Variants in PDE1C observed in about 807,000 individuals in gnomAD.
PDE1C encodes the protein phosphodiesterase 1C, also known as dual specificity calcium/calmodulin-dependent 3',5'-cyclic nucleotide phosphodiesterase 1C.
A neutral mutation model predicts 93.1 loss-of-function variants in PDE1C; 62 were observed. The ratio of observed to expected loss-of-function variants is 0.67; its 90% CI spans 0.54 to 0.82. PDE1C has a LOEUF of 0.82. PDE1C is among the 40% of genes least tolerant of loss of function. The pLI, the probability that PDE1C is intolerant of heterozygous loss-of-function variation, is 0.00. For synonymous variants in PDE1C, 325 were observed against 310.1 expected, an observed-to-expected ratio of 1.05 and a Z score of -0.50; for missense variants, 742 against 884.6, an observed-to-expected ratio of 0.84 and a Z score of 2.04.
intron 1 of PDE1C, among the ~76,000 whole-genome samples, chr7:32,308,089 C>T (rs1813062430): frequency 1.3e-5 from 2 of 152,262 alleles, no homozygotes; most frequent in Non-Finnish European, 1.5e-5. Context: ...ATATCCCGCA[C>T]ATGGCTCAGA....
At chr7:32,198,189 T>C (rs1804749715) in intron 2 of PDE1C, among the ~76,000 whole-genome samples, 1 of 152,302 alleles carries the variant, frequency 6.6e-6, no homozygotes, top group East Asian at 1.9e-4. Flanking sequence ...CTGAAAGATG[T>C]CTTTATTTTG....
chr7:32,001,652 T>C (rs1785469315), intron 2 of PDE1C, among the ~76,000 whole-genome samples: 1 of 151,886 alleles, frequency 6.6e-6, no homozygotes, highest in African/African-American at 2.4e-5. Context: ...CATCCTTATC[T>C]CCATTTTGCA....
At chr7:32,327,356 C>T (rs1020861319) in intron 1 of PDE1C, among the ~76,000 whole-genome samples, 1 of 152,148 alleles carries the variant, frequency 6.6e-6, no homozygotes, top group Admixed American at 6.5e-5. Flanking sequence ...GTAACCATCA[C>T]GTGGATCAGG....
chr7:31,976,572 T>C (rs1811699661), intron 2 of PDE1C, among the ~76,000 whole-genome samples: 1 of 152,154 alleles, frequency 6.6e-6, no homozygotes, highest in Admixed American at 6.5e-5. Context: ...TCTTGCTATA[T>C]CAAAACTATC....
At chr7:31,719,824 T>G in the PDE1C span, among the ~76,000 whole-genome samples, 1 of 152,182 alleles carries the variant, frequency 6.6e-6, no homozygotes, top group African/African-American at 2.4e-5. Flanking sequence ...TGCTCTACCC[T>G]AGGCTCTTCT....
At chr7:31,907,691 T>C (rs551716776) in intron 2 of PDE1C, among the ~76,000 whole-genome samples, 72 of 152,192 alleles carry the variant, frequency 4.7e-4, no homozygotes, top group Non-Finnish European at 8.2e-4. Flanking sequence ...TAATAAAATA[T>C]GTGAATGTGA....
the PDE1C span, chr7:31,692,362 A>C: frequency 1.7e-6 from 2 of 1,157,258 alleles, no homozygotes; most frequent in East Asian, 2.4e-5. Flanking sequence ...GAATGAATGA[A>C]TAAACAGAGC....
rs540979479 is a variant in PDE1C at position 31,928,734 on chromosome 7, C to T, written c.129-47874G>A. On this transcript the variant is annotated intron_variant, in intron 2 of 17. Transcript: ENST00000396191. ...AAAATCCTTTACAGACAAGCAAATG[C>T]TAAGGGATTTTATCACCACCAGCCT... Among the ~76,000 whole-genome samples the T allele has an allele frequency of 1.2e-3, 184 of 152,190 alleles. 1 individual carries two copies. Among genetic ancestry groups the T allele is most frequent in the African/African-American group, 4.3e-3 (180 of 41,520 alleles).
chr7:32,044,026 T>C (rs1401868981), intron 2 of PDE1C, among the ~76,000 whole-genome samples: 2 of 152,182 alleles, frequency 1.3e-5, no homozygotes, highest in Non-Finnish European at 2.9e-5. Flanking sequence ...ATAAAATCAA[T>C]GCACATTTAA....
the PDE1C span, among the ~76,000 whole-genome samples, chr7:31,641,949 G>A: frequency 0.72 from 109,171 of 151,930 alleles, 39,853 homozygotes; most frequent in East Asian, 0.83. Flanking sequence ...CTCTTCCTTC[G>A]TTTCAGGTTT....
intron 1 of PDE1C, among the ~76,000 whole-genome samples, chr7:32,305,045 C>A (rs140390468): frequency 2.0e-5 from 3 of 152,098 alleles, no homozygotes; most frequent in African/African-American, 7.2e-5. Flanking sequence ...GCAATGAGAC[C>A]GGACGTTCTA....
intron 2 of PDE1C, among the ~76,000 whole-genome samples, chr7:31,969,210 C>T (rs1810525262): frequency 6.6e-6 from 1 of 152,100 alleles, no homozygotes; most frequent in Admixed American, 6.5e-5. Flanking sequence ...AGGCAACCTA[C>T]AGAATGGGAG....
upstream of PDE1C, chr7:32,299,370 C>A (rs1812824446): frequency 1.3e-5 from 13 of 985,602 alleles, no homozygotes; most frequent in Non-Finnish European, 1.4e-5. Flanking sequence ...CCACTGCCCC[C>A]AGCACTGGCC....
chr7:31,666,021 T>C, the PDE1C span, among the ~76,000 whole-genome samples: 1 of 152,176 alleles, frequency 6.6e-6, no homozygotes, highest in Non-Finnish European at 1.5e-5. Flanking sequence ...ACCCCGTTTT[T>C]GTTGTTAGAA....
the PDE1C span, among the ~76,000 whole-genome samples, chr7:31,728,305 G>A: frequency 6.6e-6 from 1 of 152,122 alleles, no homozygotes; most frequent in Non-Finnish European, 1.5e-5. Flanking sequence ...TGTCCTCTGG[G>A]AAAGAAAACA....
At chr7:32,107,457 C>T (rs1314694254) in intron 3 of PDE1C, among the ~76,000 whole-genome samples, 1 of 151,882 alleles carries the variant, frequency 6.6e-6, no homozygotes, top group Non-Finnish European at 1.5e-5. Context: ...CATCAGAAGC[C>T]CTGTAAGCAA....
upstream of PDE1C, chr7:32,070,412 A>G (rs201635061): frequency 9.0e-5 from 145 of 1,613,956 alleles, 1 homozygote; most frequent in African/African-American, 1.7e-3. Flanking sequence ...GTAGGTGACC[A>G]CTGGCGGTGA....
chr7:31,624,743 A>G, the PDE1C span, among the ~76,000 whole-genome samples: 3 of 151,796 alleles, frequency 2.0e-5, no homozygotes, highest in African/African-American at 7.2e-5. Flanking sequence ...CACCAAAAGC[A>G]ATGGCAACAA....
At chr7:32,363,183 T>C (rs146913000) in intron 1 of PDE1C, among the ~76,000 whole-genome samples, 1 of 152,370 alleles carries the variant, frequency 6.6e-6, no homozygotes, top group African/African-American at 2.4e-5. Context: ...ATATTTATTA[T>C]TGTGACCACG....
Sources: allele counts gnomAD v4.1 joint callset (sites outside exome capture counted in the v4.1 genomes callset), GRCh38; gene constraint gnomAD v4.1.1; transcripts MANE v1.5; gene names NCBI Gene and HGNC (gene_info 2026-07-23, HGNC 2026-07-21).